The following ELAVL2 variants were observed in gnomAD, a reference collection of about 807,000 sequenced individuals.
ELAVL2 encodes ELAV-like protein 2.
In ELAVL2, 4 loss-of-function variants were observed where a neutral mutation model predicts 34.6. That is an observed-to-expected ratio of 0.12 (90% confidence interval 0.06 to 0.26). The LOEUF (loss-of-function observed/expected upper bound fraction) is 0.26. Ranked by LOEUF, ELAVL2 falls within the 10% of genes least tolerant of loss-of-function variation. ELAVL2 has a pLI of 1.00. For synonymous variants in ELAVL2, 193 were observed against 154.8 expected, an observed-to-expected ratio of 1.25 and a Z score of -1.83; for missense variants, 432 against 442.8, an observed-to-expected ratio of 0.98 and a Z score of 0.22.
At chr9:23,818,017 CAAATA>C (rs2063960721) in intron 1 of ELAVL2, among the ~76,000 whole-genome samples, 1 of 152,080 alleles carries the variant, frequency 6.6e-6, no homozygotes, top group Non-Finnish European at 1.5e-5. Context: ...TATCTCGAAC[CAAATA>C]AATATACAAT....
intron 2 of ELAVL2, among the ~76,000 whole-genome samples, chr9:23,742,527 C>A (rs767809822): frequency 1.3e-5 from 2 of 152,196 alleles, no homozygotes; most frequent in Non-Finnish European, 2.9e-5. Context: ...TGGGTAGCAT[C>A]ACATGATCAG....
At chr9:23,696,779 T>C (rs1287547335) in intron 5 of ELAVL2, among the ~76,000 whole-genome samples, 1 of 152,126 alleles carries the variant, frequency 6.6e-6, no homozygotes, top group Non-Finnish European at 1.5e-5. Flanking sequence ...CATCTTTTAT[T>C]TATGGTCATT....
intron 4 of ELAVL2, among the ~76,000 whole-genome samples, chr9:23,703,933 CT>C (rs1323672649): frequency 1.3e-5 from 2 of 151,922 alleles, no homozygotes; most frequent in African/African-American, 4.8e-5. Context: ...TTATTTTTTA[CT>C]TATTTTTTGA....
intron 3 of ELAVL2, among the ~76,000 whole-genome samples, chr9:23,730,767 G>C (rs2046328313): frequency 6.6e-6 from 1 of 152,054 alleles, no homozygotes. Context: ...AAGGAGACTT[G>C]ATTCCGTAGG....
Position 23,705,016 on chromosome 9 carries a change from C to A in ELAVL2, c.389G>T (p.Ser130Ile). The change falls in exon 4 of 7, where the codon AGC becomes ATC. Residue 130 changes from serine (S) to isoleucine (I), a missense_variant. Coordinates refer to ENST00000397312, the MANE Select transcript of ELAVL2 (RefSeq NM_004432.5). The stretch of plus-strand genomic sequence containing the variant: ...CTGGGTCATTGTTTTTGGAAGTCCG[C>A]TGACATATAAATTTGCATCTCTGAT... ...ASIRDANLYVSGLPKTMTQKE... is the reference protein window; with the variant it reads ...ASIRDANLYVIGLPKTMTQKE... The A allele has an allele frequency of 6.2e-7, 1 of 1,614,116 alleles. No homozygotes were observed. The highest frequency in any genetic ancestry group is 8.5e-7 in the Non-Finnish European group (1 of 1,180,012).
chr9:23,771,846 T>C (rs892271139), intron 1 of ELAVL2, among the ~76,000 whole-genome samples: 2 of 152,244 alleles, frequency 1.3e-5, no homozygotes, highest in African/African-American at 4.8e-5. Flanking sequence ...ACCTCTACAA[T>C]AGTAAAGGTT....
chr9:23,765,124 C>T, intron 1 of ELAVL2: 4 of 1,574,218 alleles, frequency 2.5e-6, no homozygotes, highest in Non-Finnish European at 1.7e-6. Flanking sequence ...CAAAAAGTAC[C>T]GTATGTTAGA....
At chr9:23,840,175 T>G in the ELAVL2 span, among the ~76,000 whole-genome samples, 1 of 152,100 alleles carries the variant, frequency 6.6e-6, no homozygotes, top group Admixed American at 6.6e-5. Context: ...TAACCTACCT[T>G]TTAGGGCTGT....
Position 23,692,598 on chromosome 9 carries a change from G to T in ELAVL2, c.1039C>A (p.Leu347Met), listed in dbSNP as rs1251699027. Residue 347 changes from leucine to methionine, a missense_variant, in exon 7 of 7, where the codon CTG becomes ATG. This residue lies in a region of ELAVL2 where 295 missense variants were observed against 306.1 expected (regional missense o/e 0.96). Transcript: ENST00000397312. ...TTGTTTGTCTTAAAGGAGACCTGCA[G>T]TACTCTGTCTCCCAGACGGTATCCA... ...LNGYRLGDRV[L>M]QVSFKTNKTH... is the part of the protein sequence containing the mutation. The T allele has an allele frequency of 6.2e-7, 1 of 1,614,144 alleles. No individual in the cohort carries two copies. The highest frequency in any genetic ancestry group is 1.1e-5 in the South Asian group (1 of 91,090).
At chr9:23,693,366 G>A (rs1424680426) in intron 6 of ELAVL2, 82 bp downstream of exon 6, 1 of 1,524,504 alleles carries the variant, frequency 6.6e-7, no homozygotes, top group Non-Finnish European at 9.0e-7. Context: ...AACTTATGAG[G>A]GGTGTGAATA....
At chr9:23,708,158 T>C (rs967372287) in intron 3 of ELAVL2, among the ~76,000 whole-genome samples, 1 of 152,180 alleles carries the variant, frequency 6.6e-6, no homozygotes, top group African/African-American at 2.4e-5. Context: ...TTCAGTGACA[T>C]TGTCAAAGAA....
intron 2 of ELAVL2, among the ~76,000 whole-genome samples, chr9:23,751,056 C>G (rs2051860259): frequency 6.6e-6 from 1 of 152,014 alleles, no homozygotes; most frequent in African/African-American, 2.4e-5. Context: ...AGGGCCCCAT[C>G]AGATCTACTC....
chr9:23,762,488 T>C (rs1446428025), intron 1 of ELAVL2, among the ~76,000 whole-genome samples: 3 of 152,122 alleles, frequency 2.0e-5, no homozygotes, highest in African/African-American at 7.2e-5. Context: ...ACAATTTAAA[T>C]CTTAAACATT....
At chr9:23,786,519 A>C (rs2059697937) in intron 1 of ELAVL2, among the ~76,000 whole-genome samples, 1 of 152,156 alleles carries the variant, frequency 6.6e-6, no homozygotes. Flanking sequence ...TTAAAAAAAA[A>C]ATGCAGCTCA....
chr9:23,711,939 T>C (rs1018106862), intron 3 of ELAVL2, among the ~76,000 whole-genome samples: 8 of 152,180 alleles, frequency 5.3e-5, no homozygotes, highest in South Asian at 2.1e-4. Context: ...CCCAACATTA[T>C]ACGCATTGGT....
intron 2 of ELAVL2, chr9:23,735,105 CAAAAAAAAA>C: frequency 3.2e-4 from 9 of 27,952 alleles, no homozygotes; most frequent in South Asian, 2.4e-3. Context: ...TAAGGCTCTT[CAAAAAAAAA>C]AAAAAAAAAA....
At chr9:23,700,615 A>AT (rs1171403208) in intron 5 of ELAVL2, among the ~76,000 whole-genome samples, 3 of 152,160 alleles carry the variant, frequency 2.0e-5, no homozygotes, top group Non-Finnish European at 4.4e-5. Context: ...TGGCTTTTAC[A>AT]TTTTTAACAG....
chr9:23,699,320 A>G (rs1358316120), intron 5 of ELAVL2, among the ~76,000 whole-genome samples: 2 of 152,166 alleles, frequency 1.3e-5, no homozygotes, highest in Non-Finnish European at 2.9e-5. Context: ...GCACTCTCCC[A>G]AATCCTGTCT....
At chr9:23,724,933 T>C (rs1206963359) in intron 3 of ELAVL2, among the ~76,000 whole-genome samples, 2 of 152,128 alleles carry the variant, frequency 1.3e-5, no homozygotes, top group Admixed American at 6.6e-5. Context: ...AGTAGGTCAG[T>C]TAATTTGAGG....
Sources: allele counts gnomAD v4.1 joint callset (sites outside exome capture counted in the v4.1 genomes callset), GRCh38; gene constraint gnomAD v4.1.1; regional missense constraint gnomAD v4.1.1; transcripts MANE v1.5; gene names NCBI Gene and HGNC (gene_info 2026-07-23, HGNC 2026-07-21).